USP45: variants seen among roughly 807,000 people sequenced by gnomAD.
The protein encoded by USP45 is ubiquitin carboxyl-terminal hydrolase 45.
Under a neutral mutation model 95.8 loss-of-function variants are expected in USP45, and 89 were observed. That is an observed-to-expected ratio of 0.93 (90% confidence interval 0.78 to 1.11). USP45 has a LOEUF of 1.11. Among genes scored for constraint, USP45 ranks in the 50% least tolerant of loss-of-function variants. USP45 has a pLI of 0.00. For synonymous variants in USP45, 281 were observed against 316.2 expected (o/e 0.89, Z 1.18); for missense variants, 898 against 942.5 (o/e 0.95, Z 0.62).
chr6:99,508,744 C>T lies in USP45; in HGVS notation c.139G>A (p.Val47Met), dbSNP rs772492339. The T allele has an allele frequency of 5.0e-6, 8 of 1,612,962 alleles. No homozygotes were observed. Among genetic ancestry groups the T allele is most frequent in the East Asian group, 2.2e-5 (1 of 44,786 alleles). The stretch of plus-strand genomic sequence containing the variant: ...GCTATTGCTCTCTTTACATGATTCA[C>T]GCTGATAGCATGACTTACATGTTGG... ...TCQHVSHAIS[V>M]NHVKRAIAEN... The change falls in exon 3 of 18, where the codon GTG (valine) becomes ATG (methionine). Residue 47 changes from valine to methionine, a missense_variant. Physicochemically the swap from Val to Met is conservative, Grantham distance 21 (BLOSUM62 1). Coordinates refer to ENST00000500704, the MANE Select transcript of USP45 (RefSeq NM_001346022.3).
chr6:99,497,748 T>G (rs1020277054), intron 5 of USP45, among the ~76,000 whole-genome samples: 1 of 152,282 alleles, frequency 6.6e-6, no homozygotes, highest in African/African-American at 2.4e-5. Context: ...ACAAATTCTA[T>G]CTGTACAAGG....
At chr6:99,468,655 A>G (rs538877141) in intron 9 of USP45, 37 bp from the exon 10 acceptor site, 1 of 1,379,000 alleles carries the variant, frequency 7.3e-7, no homozygotes, top group Non-Finnish European at 1.0e-6. Flanking sequence ...GTCTAATAAT[A>G]GTTAACTCAG....
chr6:99,476,077 C>A, intron 9 of USP45, 66 bp downstream of exon 9: 5 of 1,481,934 alleles, frequency 3.4e-6, no homozygotes, highest in Non-Finnish European at 4.7e-6. Flanking sequence ...CTTGGCCCCC[C>A]AATAATCCCT....
intron 13 of USP45, among the ~76,000 whole-genome samples, chr6:99,463,650 A>G (rs1239890077): frequency 6.6e-6 from 1 of 151,832 alleles, no homozygotes; most frequent in Non-Finnish European, 1.5e-5. Context: ...GGTCTCTACT[A>G]AAAATACAAA....
intron 7 of USP45, among the ~76,000 whole-genome samples, chr6:99,484,162 T>A (rs1001613511): frequency 6.7e-6 from 1 of 150,294 alleles, no homozygotes; most frequent in Non-Finnish European, 1.5e-5. Flanking sequence ...CAAGACAGAC[T>A]TTTGTGTTTT....
intron 5 of USP45, among the ~76,000 whole-genome samples, chr6:99,501,247 C>A (rs1797291037): frequency 6.6e-6 from 1 of 151,748 alleles, no homozygotes; most frequent in Non-Finnish European, 1.5e-5. Context: ...GCTTAACTCC[C>A]TACAATCTGT....
Position 99,433,134 on chromosome 6 carries a change from G to A in USP45, c.*2582C>T, listed in dbSNP as rs1273772960. 1.3e-5 allele frequency: 2 copies of A among 152,260 alleles called. No homozygotes were observed. The highest frequency in any genetic ancestry group is 2.9e-5 in the Non-Finnish European group (2 of 68,024). The allele number at this position is 152,260 out of a possible 1,614,324, so 9.4% of individuals were successfully genotyped here. On this transcript the variant is annotated 3_prime_UTR_variant, in exon 18 of 18. Coordinates refer to ENST00000500704, the MANE Select transcript of USP45 (RefSeq NM_001346022.3). ...GCCTCCCAACAGCATGAGCCACCAT[G>A]CCTGGCTAACAAATTGATACCAACT...
chr6:99,514,116 C>G lies in USP45; in HGVS notation c.-11+1276G>C, dbSNP rs1400537990. Among the ~76,000 whole-genome samples the G allele has an allele frequency of 2.0e-5, 3 of 152,226 alleles. No individual in the cohort carries two copies. The South Asian group carries it at 6.2e-4, about 32-fold the overall frequency. On this transcript the variant is annotated intron_variant, in intron 1 of 17. Transcript: ENST00000500704. ...ACATTTAGAGCTTTGATAGGATGCA[C>G]GGGACTCAACATATAGTTGAATTCA...
chr6:99,505,472 C>G (rs1326518432), intron 4 of USP45, among the ~76,000 whole-genome samples: 1 of 151,864 alleles, frequency 6.6e-6, no homozygotes, highest in Non-Finnish European at 1.5e-5. Flanking sequence ...TCGAGACTGG[C>G]CTGGCCAATA....
intron 5 of USP45, among the ~76,000 whole-genome samples, chr6:99,494,990 T>C (rs1795996799): frequency 6.6e-6 from 1 of 152,102 alleles, no homozygotes; most frequent in Non-Finnish European, 1.5e-5. Context: ...TTTAGAATCT[T>C]GGAGAGCAAA....
chr6:99,450,375 A>G (rs1783583989), intron 13 of USP45, among the ~76,000 whole-genome samples: 1 of 152,234 alleles, frequency 6.6e-6, no homozygotes, highest in Non-Finnish European at 1.5e-5. Flanking sequence ...CCACAGAAAT[A>G]CAAACTACCA....
rs139278154 is a variant in USP45 at position 99,439,839 on chromosome 6, C to T, written c.2090G>A (p.Arg697His). Residue 697 changes from arginine (R) to histidine (H), a missense_variant, in exon 16 of 18, where the codon CGT (arginine) becomes CAT (histidine). Transcript: ENST00000500704. The stretch of plus-strand genomic sequence containing the variant: ...AAAATCTACATGTCTGTTTACTTTA[C>T]GAAGACTCAAGCCAGCCTTAAAAAG... ...KRFHQAGLSL[R>H]KVNRHVDFPL... The T allele has an allele frequency of 1.4e-5, 23 of 1,606,578 alleles. No individual in the cohort carries two copies. The African/African-American group carries it at 1.6e-4, about 11-fold the overall frequency.
chr6:99,511,777 C>G (rs1284875169), intron 1 of USP45, among the ~76,000 whole-genome samples: 6 of 148,800 alleles, frequency 4.0e-5, no homozygotes, highest in Non-Finnish European at 7.4e-5. Flanking sequence ...TAACAATTAG[C>G]TATGTTTGTT....
intron 5 of USP45, among the ~76,000 whole-genome samples, chr6:99,502,247 A>G (rs1417518115): frequency 1.3e-5 from 2 of 152,220 alleles, no homozygotes; most frequent in East Asian, 3.8e-4. Context: ...GAGTGGACAC[A>G]GAAGCTTCAC....
At chr6:99,461,065 T>C (rs1381755596) in intron 13 of USP45, 3 of 985,094 alleles carry the variant, frequency 3.0e-6, no homozygotes, top group South Asian at 9.4e-5. Flanking sequence ...CAGAGCACAA[T>C]GCACTTCTGA....
intron 16 of USP45, 32 bp downstream of exon 16, chr6:99,439,737 A>G: frequency 7.0e-7 from 1 of 1,420,784 alleles, no homozygotes; most frequent in Non-Finnish European, 9.4e-7. Context: ...ATATTAATTT[A>G]TAAATCAATT....
At chr6:99,485,902 T>A (rs781730620) in intron 7 of USP45, among the ~76,000 whole-genome samples, 6 of 152,172 alleles carry the variant, frequency 3.9e-5, no homozygotes, top group Non-Finnish European at 7.3e-5. Flanking sequence ...TCTCAATAGA[T>A]GTGGGAAAAG....
intron 1 of USP45, among the ~76,000 whole-genome samples, chr6:99,510,849 A>G (rs1799620485): frequency 6.6e-6 from 1 of 152,206 alleles, no homozygotes; most frequent in Non-Finnish European, 1.5e-5. Context: ...TAAAGTTTTC[A>G]TCAACGGAGT....
intron 10 of USP45, among the ~76,000 whole-genome samples, chr6:99,467,612 A>G (rs1012116348): frequency 6.6e-6 from 1 of 152,130 alleles, no homozygotes; most frequent in Non-Finnish European, 1.5e-5. Flanking sequence ...AATAATAAAG[A>G]TATTTCTTCT....
Sources: allele counts gnomAD v4.1 joint callset (sites outside exome capture counted in the v4.1 genomes callset), GRCh38; gene constraint gnomAD v4.1.1; transcripts MANE v1.5; gene names NCBI Gene and HGNC (gene_info 2026-07-23, HGNC 2026-07-21).